The following MDGA2 variants were observed in gnomAD, a reference collection of about 807,000 sequenced individuals.
MDGA2 encodes the protein MAM domain-containing glycosylphosphatidylinositol anchor protein 2.
In MDGA2, 40 loss-of-function variants were observed where a neutral mutation model predicts 117.8. The ratio of observed to expected loss-of-function variants is 0.34; its 90% CI spans 0.26 to 0.44. The LOEUF is 0.44. Ranked by LOEUF, MDGA2 falls within the 20% of genes least tolerant of loss-of-function variation. The pLI is 1.00. For synonymous variants in MDGA2, 452 were observed against 439.0 expected (o/e 1.03, Z -0.37); for missense variants, 1,123 against 1,250.6 (o/e 0.90, Z 1.54).
At chr14:47,300,685 G>A (rs1240859587) in intron 2 of MDGA2, among the ~76,000 whole-genome samples, 1 of 149,614 alleles carries the variant, frequency 6.7e-6, no homozygotes, top group Non-Finnish European at 1.5e-5. Context: ...TTTTTGTAGA[G>A]ACACAGTCTC....
At chr14:47,613,258 C>T (rs1174394146) in intron 1 of MDGA2, among the ~76,000 whole-genome samples, 1 of 152,072 alleles carries the variant, frequency 6.6e-6, no homozygotes, top group Non-Finnish European at 1.5e-5. Flanking sequence ...CCCCAAAAGC[C>T]CCGTTGTTCA....
At chr14:47,533,798 T>C (rs1239617388) in intron 1 of MDGA2, among the ~76,000 whole-genome samples, 1 of 152,158 alleles carries the variant, frequency 6.6e-6, no homozygotes, top group African/African-American at 2.4e-5. Context: ...TTTTATTAGC[T>C]CCAGAGTTTA....
chr14:47,533,149 G>A (rs1428499127), intron 1 of MDGA2, among the ~76,000 whole-genome samples: 2 of 152,172 alleles, frequency 1.3e-5, no homozygotes, highest in Admixed American at 6.5e-5. Flanking sequence ...AGTCAGTGGT[G>A]TCCTCAAATC....
chr14:47,038,637 T>C (rs1257870571), intron 7 of MDGA2, among the ~76,000 whole-genome samples: 1 of 152,068 alleles, frequency 6.6e-6, no homozygotes, highest in Non-Finnish European at 1.5e-5. Context: ...AAAGATTATT[T>C]AATATCTGTC....
At chr14:46,945,073 T>C (rs537073209) in intron 9 of MDGA2, among the ~76,000 whole-genome samples, 4 of 152,252 alleles carry the variant, frequency 2.6e-5, no homozygotes, top group South Asian at 4.1e-4. Context: ...ATAACTGGAC[T>C]GTGCTCTCTT....
intron 1 of MDGA2, among the ~76,000 whole-genome samples, chr14:47,540,907 A>G (rs1895340423): frequency 6.6e-6 from 1 of 152,128 alleles, no homozygotes; most frequent in Non-Finnish European, 1.5e-5. Context: ...TGCCATGCAC[A>G]TTAAAACACA....
intron 1 of MDGA2, among the ~76,000 whole-genome samples, chr14:47,411,469 T>C (rs1272990586): frequency 6.6e-6 from 1 of 152,164 alleles, no homozygotes; most frequent in Non-Finnish European, 1.5e-5. Flanking sequence ...TAGCCAAACT[T>C]TGTATTCCCT....
Position 46,845,745 on chromosome 14 carries a change from A to G in MDGA2, c.2989+21T>C, listed in dbSNP as rs372330940. On this transcript the variant is annotated intron_variant, in intron 16 of 16. Coordinates refer to ENST00000399232, the MANE Select transcript of MDGA2 (RefSeq NM_001113498.3). ...GTTACTTTAACGTTACAACAAACCA[A>G]TCTCAAGCAAAGATACTTACTCTTA... is the stretch of plus-strand genomic sequence containing the variant. The G allele has an allele frequency of 5.7e-5, 85 of 1,486,582 alleles. 2 individuals carry two copies. The South Asian group carries it at 9.2e-4, about 16-fold the overall frequency. 92.1% of individuals were successfully genotyped at this position (1,486,582 alleles called of 1,614,324 possible).
chr14:46,993,236 A>G lies in MDGA2; in HGVS notation c.1820-35593T>C, dbSNP rs191869029. On this transcript the variant is annotated intron_variant, in intron 8 of 16. Transcript: ENST00000399232. ...AAGCACATTTTATCCATTATTCATA[A>G]TTGAACAGAGATTGCTTGAAAACAC... Among the ~76,000 whole-genome samples the G allele has an allele frequency of 4.3e-3, 647 of 152,224 alleles. 4 individuals are homozygous for G. The highest frequency in any genetic ancestry group is 0.024 in the Middle Eastern group (7 of 294).
intron 1 of MDGA2, among the ~76,000 whole-genome samples, chr14:47,409,788 CA>C (rs1012085429): frequency 2.8e-4 from 42 of 152,232 alleles, no homozygotes; most frequent in African/African-American, 8.7e-4. Flanking sequence ...AGCAGAAAGA[CA>C]GTCAATTTGT....
At chr14:47,158,380 G>GTGTGTA (rs1462320741) in intron 3 of MDGA2, among the ~76,000 whole-genome samples, 34 of 151,722 alleles carry the variant, frequency 2.2e-4, no homozygotes, top group Non-Finnish European at 4.7e-4. Context: ...GTGTGTGTGT[G>GTGTGTA]TGTGTGTGTG....
Position 46,872,168 on chromosome 14 carries a change from C to T in MDGA2, c.2752+1265G>A, listed in dbSNP as rs188280368. On this transcript the variant is annotated intron_variant, in intron 14 of 16. Transcript: ENST00000399232. ...CTCCACGGTAAAAGATGGACAGTGACGTTCACTTTTACAAACTTAATTGAG... is the reference window on the plus strand; with the variant it reads ...CTCCACGGTAAAAGATGGACAGTGATGTTCACTTTTACAAACTTAATTGAG... 2.0e-3 allele frequency among the ~76,000 whole-genome samples: 308 copies of T among 151,896 alleles called. 5 individuals carry two copies. The highest frequency in any genetic ancestry group is 8.1e-3 in the South Asian group (39 of 4,824).
Position 47,326,743 on chromosome 14 carries a change from C to G in MDGA2, c.281-25193G>C, listed in dbSNP as rs140184722. 1.4e-3 allele frequency among the ~76,000 whole-genome samples: 212 copies of G among 152,040 alleles called. 1 individual carries two copies. Among genetic ancestry groups the G allele is most frequent in the African/African-American group, 4.9e-3 (203 of 41,474 alleles). Reference sequence around the variant, plus strand: ...TTTTCTAAACTCTTAATCACACACACAGAGAGAAATTCAGGGAAATTGGTT... The same window carrying G: ...TTTTCTAAACTCTTAATCACACACAGAGAGAGAAATTCAGGGAAATTGGTT... On this transcript the variant is annotated intron_variant, in intron 1 of 16. Transcript: ENST00000399232.
chr14:47,111,834 CAT>C (rs1405895920), intron 5 of MDGA2, among the ~76,000 whole-genome samples: 3 of 152,018 alleles, frequency 2.0e-5, no homozygotes, highest in Non-Finnish European at 2.9e-5. Flanking sequence ...ACCTATCTTC[CAT>C]ATGTTTCAAC....
chr14:47,351,934 C>CACAT (rs1384649321), intron 1 of MDGA2, among the ~76,000 whole-genome samples: 1 of 134,118 alleles, frequency 7.5e-6, no homozygotes, highest in African/African-American at 2.9e-5. Context: ...CACACACACA[C>CACAT]ACACAAACAT....
intron 2 of MDGA2, among the ~76,000 whole-genome samples, chr14:47,257,062 T>C (rs923260594): frequency 1.3e-5 from 2 of 152,124 alleles, no homozygotes; most frequent in East Asian, 1.9e-4. Context: ...GAGCCCAAGT[T>C]TGAAAGTTAG....
rs1382800588 is a variant in MDGA2, at chr14:47,177,154, G to A, written c.596-32880C>T. 9.2e-5 allele frequency among the ~76,000 whole-genome samples: 14 copies of A among 152,248 alleles called. No homozygotes were observed. In the South Asian group the frequency reaches 2.5e-3, roughly 27 times the overall value. On this transcript the variant is annotated intron_variant, in intron 3 of 16. Coordinates refer to ENST00000399232, the MANE Select transcript of MDGA2 (RefSeq NM_001113498.3). ...AGTCATTAAAAGTCAGGAAACAACA[G>A]GTGCTAGAGAGGATGTGGAGAAATA...
chr14:47,460,706 G>T (rs1893465165), intron 1 of MDGA2, among the ~76,000 whole-genome samples: 1 of 152,038 alleles, frequency 6.6e-6, no homozygotes, highest in South Asian at 2.1e-4. Flanking sequence ...GCATGCCATG[G>T]TGTACTGAAA....
chr14:47,634,373 CA>C (rs1332405571), intron 1 of MDGA2, among the ~76,000 whole-genome samples: 1 of 151,908 alleles, frequency 6.6e-6, no homozygotes, highest in Non-Finnish European at 1.5e-5. Context: ...ATAATCATAT[CA>C]AGAAGTAGAC....
Sources: gnomAD v4.1 joint callset for allele counts (sites outside exome capture counted in the v4.1 genomes callset) on GRCh38, gnomAD v4.1.1 for gene constraint, MANE v1.5 for transcripts, NCBI Gene and HGNC (gene_info 2026-07-23, HGNC 2026-07-21) for gene names.